CEP85L: variants seen among roughly 807,000 people sequenced by gnomAD.
The protein encoded by CEP85L is centrosomal protein of 85 kDa-like.
Under a neutral mutation model 100.3 loss-of-function variants are expected in CEP85L, and 60 were observed. The observed-to-expected ratio is 0.60, with a 90% CI of 0.49 to 0.74. CEP85L has a LOEUF of 0.74. Ranked by LOEUF, CEP85L falls within the 30% of genes least tolerant of loss-of-function variation. CEP85L has a pLI of 0.00. For synonymous variants in CEP85L, 319 were observed against 322.7 expected, an observed-to-expected ratio of 0.99 and a Z score of 0.12; for missense variants, 973 against 936.2, an observed-to-expected ratio of 1.04 and a Z score of -0.51.
At chr6:118,683,968 A>C (rs533601047) in intron 1 of CEP85L, among the ~76,000 whole-genome samples, 1 of 152,324 alleles carries the variant, frequency 6.6e-6, no homozygotes, top group East Asian at 1.9e-4. Context: ...CTTTCAAAAA[A>C]CTATGTGGAA....
intron 3 of CEP85L, among the ~76,000 whole-genome samples, chr6:118,531,571 A>C (rs762022566): frequency 5.3e-5 from 8 of 152,160 alleles, no homozygotes; most frequent in Non-Finnish European, 1.2e-4. Flanking sequence ...CAGAATAAAC[A>C]AACACCCTAC....
At chr6:118,651,118 G>A in intron 1 of CEP85L, 79 bp downstream of exon 1, 4 of 1,430,516 alleles carry the variant, frequency 2.8e-6, no homozygotes, top group Non-Finnish European at 3.6e-6. Flanking sequence ...TGAGGCGGGA[G>A]GGGAGCGGCG....
chr6:118,485,420 GA>G (rs1024460786), intron 6 of CEP85L, among the ~76,000 whole-genome samples: 13 of 151,996 alleles, frequency 8.6e-5, no homozygotes, highest in African/African-American at 2.9e-4. Context: ...ACTTCATGTG[GA>G]AAAATTATTC....
chr6:118,694,956 C>T (rs988890297), intron 1 of CEP85L, among the ~76,000 whole-genome samples: 1 of 152,096 alleles, frequency 6.6e-6, no homozygotes, highest in African/African-American at 2.4e-5. Context: ...AAAAGGTGGT[C>T]TTGTTTATGT....
At chr6:118,642,948 C>T (rs1290049803) in intron 1 of CEP85L, among the ~76,000 whole-genome samples, 3 of 152,078 alleles carry the variant, frequency 2.0e-5, no homozygotes, top group Non-Finnish European at 4.4e-5. Context: ...ATAACAGCCA[C>T]GTATTTAGTT....
intron 2 of CEP85L, among the ~76,000 whole-genome samples, chr6:118,614,802 T>C (rs1772905552): frequency 6.6e-6 from 1 of 152,176 alleles, no homozygotes; most frequent in South Asian, 2.1e-4. Context: ...GATCGTGCCA[T>C]TGCACTCCAG....
chr6:118,466,222 T>C (rs1403947371), intron 12 of CEP85L, among the ~76,000 whole-genome samples: 2 of 152,172 alleles, frequency 1.3e-5, no homozygotes, highest in African/African-American at 2.4e-5. Flanking sequence ...TGTAAGCATA[T>C]CTCAACATAA....
chr6:118,545,378 AG>A (rs1482927370), intron 3 of CEP85L, among the ~76,000 whole-genome samples: 1 of 152,140 alleles, frequency 6.6e-6, no homozygotes, highest in Non-Finnish European at 1.5e-5. Context: ...TCACGAGGTC[AG>A]GAGTTTGAGA....
At chr6:118,589,782 C>G in intron 2 of CEP85L, 1 of 192,406 alleles carries the variant, frequency 5.2e-6, no homozygotes, top group Non-Finnish European at 1.1e-5. Flanking sequence ...AGTTGAGCGT[C>G]ATTTTTCTTA....
chr6:118,628,433 T>G (rs1006043306), intron 2 of CEP85L, among the ~76,000 whole-genome samples: 7 of 151,936 alleles, frequency 4.6e-5, no homozygotes, highest in Non-Finnish European at 4.4e-5. Flanking sequence ...GGATCATTAG[T>G]AGACTGGACT....
intron 10 of CEP85L, among the ~76,000 whole-genome samples, chr6:118,478,480 T>A (rs892527370): frequency 1.3e-5 from 2 of 152,052 alleles, no homozygotes; most frequent in African/African-American, 4.8e-5. Context: ...GATCTCTGTG[T>A]CTCTAGATCT....
At chr6:118,541,896 C>A (rs1156314269) in intron 3 of CEP85L, among the ~76,000 whole-genome samples, 1 of 152,138 alleles carries the variant, frequency 6.6e-6, no homozygotes, top group Admixed American at 6.5e-5. Flanking sequence ...AAAGAAGTTT[C>A]TCTAATTATA....
At chr6:118,618,311 T>G (rs1438767531) in intron 2 of CEP85L, among the ~76,000 whole-genome samples, 2 of 152,180 alleles carry the variant, frequency 1.3e-5, no homozygotes, top group Non-Finnish European at 2.9e-5. Context: ...TTAGGAGACT[T>G]AAGTTTTTAA....
intron 5 of CEP85L, among the ~76,000 whole-genome samples, chr6:118,497,570 A>G (rs2114642107): frequency 6.6e-6 from 1 of 152,280 alleles, no homozygotes; most frequent in East Asian, 1.9e-4. Flanking sequence ...CCCCCTCCCC[A>G]GGTCTGTGGA....
At chr6:118,522,779 T>A (rs1445574433) in intron 4 of CEP85L, among the ~76,000 whole-genome samples, 1 of 151,754 alleles carries the variant, frequency 6.6e-6, no homozygotes, top group East Asian at 1.9e-4. Flanking sequence ...CTCAGGAGGC[T>A]GACGCACAAG....
chr6:118,501,179 T>C (rs565935063), intron 5 of CEP85L, among the ~76,000 whole-genome samples: 2 of 152,344 alleles, frequency 1.3e-5, no homozygotes, highest in African/African-American at 4.8e-5. Context: ...CAAGGGCTTT[T>C]CCACATACTC....
Position 118,651,318 on chromosome 6 carries a change from C to G in CEP85L, c.-49G>C. 4 of 1,410,086 alleles carry G rather than the reference C, an allele frequency of 2.8e-6. No homozygotes were observed. Among genetic ancestry groups the G allele is most frequent in the Non-Finnish European group, 3.7e-6 (4 of 1,082,642 alleles). The allele number at this position is 1,410,086 out of a possible 1,614,324, so 87.3% of individuals were successfully genotyped here. A position where few individuals can be genotyped will look rare whatever the true frequency, so the allele number is the denominator to read the frequency against. On this transcript the variant is annotated 5_prime_UTR_variant, in exon 1 of 13. Coordinates refer to ENST00000368491, the MANE Select transcript of CEP85L (RefSeq NM_001042475.3). Reference sequence around the variant, plus strand: ...CCAGGGACGCCCGACTCCTCACGTCCGTCCTCCTGCTTCTTCGGCGGCGGA... The same window carrying G: ...CCAGGGACGCCCGACTCCTCACGTCGGTCCTCCTGCTTCTTCGGCGGCGGA...
chr6:118,500,525 A>C (rs1775223531), intron 5 of CEP85L, among the ~76,000 whole-genome samples: 1 of 42,092 alleles, frequency 2.4e-5, no homozygotes, highest in Admixed American at 1.6e-4. Flanking sequence ...ATTACTCAAC[A>C]ATCACCCTCT....
intron 2 of CEP85L, among the ~76,000 whole-genome samples, chr6:118,579,814 T>C (rs1780462866): frequency 6.6e-6 from 1 of 152,192 alleles, no homozygotes; most frequent in South Asian, 2.1e-4. Context: ...ATTTCTTGCA[T>C]AGCAGAAAAA....
Sources: allele counts gnomAD v4.1 joint callset (sites outside exome capture counted in the v4.1 genomes callset), GRCh38; gene constraint gnomAD v4.1.1; transcripts MANE v1.5; gene names NCBI Gene and HGNC (gene_info 2026-07-23, HGNC 2026-07-21).